ST7: variants seen among roughly 807,000 people sequenced by gnomAD.
The protein encoded by ST7 is suppression of tumorigenicity 7.
In ST7, 28 loss-of-function variants were observed where a neutral mutation model predicts 78.7. The observed-to-expected ratio is 0.36, with a 90% CI of 0.26 to 0.49. ST7 has a LOEUF of 0.49. Among genes scored for constraint, ST7 ranks in the 20% least tolerant of loss-of-function variants. The pLI is 0.99. For synonymous variants in ST7, 247 were observed against 249.6 expected (o/e 0.99, Z 0.10); for missense variants, 418 against 696.0 (o/e 0.60, Z 4.49).
chr7:117,184,006 CAAAAATGAGTCT>C (rs1809011626), intron 10 of ST7: 1 of 143,656 alleles, frequency 7.0e-6, no homozygotes, highest in Admixed American at 6.9e-5. Flanking sequence ...AAAATGAGTA[CAAAAATGAGTCT>C]GATTCCATTT....
At chr7:117,064,967 T>C (rs1798553721) in intron 1 of ST7, among the ~76,000 whole-genome samples, 1 of 152,280 alleles carries the variant, frequency 6.6e-6, no homozygotes, top group Non-Finnish European at 1.5e-5. Context: ...TCATTGTGTA[T>C]ATTGTTTTCC....
chr7:117,131,130 A>G (rs1217679344), intron 5 of ST7, among the ~76,000 whole-genome samples: 1 of 151,868 alleles, frequency 6.6e-6, no homozygotes, highest in Non-Finnish European at 1.5e-5. Context: ...GTTTCAGATA[A>G]TTCAACTGAA....
At chr7:117,071,763 G>C (rs547707885) in intron 1 of ST7, among the ~76,000 whole-genome samples, 2 of 152,316 alleles carry the variant, frequency 1.3e-5, no homozygotes, top group East Asian at 3.9e-4. Flanking sequence ...GACATAGCTT[G>C]TTCTCCAGAT....
At chr7:117,148,486 A>G (rs138726939) in intron 9 of ST7, among the ~76,000 whole-genome samples, 54 of 152,286 alleles carry the variant, frequency 3.5e-4, no homozygotes, top group African/African-American at 1.3e-3. Context: ...TGTTTATCCC[A>G]TTCGTGTTTA....
chr7:117,188,109 T>C (rs1809433592), intron 10 of ST7, among the ~76,000 whole-genome samples: 1 of 152,230 alleles, frequency 6.6e-6, no homozygotes, highest in African/African-American at 2.4e-5. Context: ...ATCAATGTCA[T>C]TGAAATTTCC....
chr7:117,040,752 G>C (rs778125260), intron 1 of ST7, among the ~76,000 whole-genome samples: 6 of 152,140 alleles, frequency 3.9e-5, no homozygotes, highest in African/African-American at 1.2e-4. Context: ...GGGAGGCCAG[G>C]TTGCTGATAT....
chr7:117,191,070 T>C (rs888852398), intron 12 of ST7, 134 bp downstream of exon 12: 2 of 692,814 alleles, frequency 2.9e-6, no homozygotes, highest in Non-Finnish European at 4.9e-6. Context: ...CCCTGTATAA[T>C]GTATGGGCAT....
intron 9 of ST7, among the ~76,000 whole-genome samples, chr7:117,165,458 C>T (rs28481622): frequency 0.13 from 19,116 of 151,920 alleles, 2,242 homozygotes; most frequent in African/African-American, 0.31. Flanking sequence ...ATAAAGGACA[C>T]GTTTAGGGAT....
At chr7:117,078,743 A>G (rs1799539544) in intron 1 of ST7, among the ~76,000 whole-genome samples, 1 of 152,198 alleles carries the variant, frequency 6.6e-6, no homozygotes, top group Non-Finnish European at 1.5e-5. Flanking sequence ...CATATGTAGG[A>G]CATTCCAGTA....
chr7:117,223,118 C>T (rs111319807), intron 15 of ST7: 6 of 646,968 alleles, frequency 9.3e-6, no homozygotes, highest in Admixed American at 7.0e-5. Context: ...CACATCCCAT[C>T]GTCTCGGCCT....
intron 10 of ST7, among the ~76,000 whole-genome samples, chr7:117,184,844 A>G (rs1809100914): frequency 6.6e-6 from 1 of 152,246 alleles, no homozygotes; most frequent in African/African-American, 2.4e-5. Flanking sequence ...TTGATATTAT[A>G]CTACAGTTAT....
chr7:117,042,610 G>T (rs1207078831), intron 1 of ST7, among the ~76,000 whole-genome samples: 1 of 152,072 alleles, frequency 6.6e-6, no homozygotes, highest in South Asian at 2.1e-4. Flanking sequence ...TTGCCAGTGA[G>T]TTCTTCAATG....
intron 15 of ST7, among the ~76,000 whole-genome samples, chr7:117,228,189 C>T (rs1420354768): frequency 6.6e-6 from 1 of 152,214 alleles, no homozygotes; most frequent in Admixed American, 6.5e-5. Context: ...TCACTTGCCT[C>T]TTTCTCAAAA....
rs1794537234 is a variant in ST7, at chr7:116,993,965, T to G, written c.151+40274T>G. Among the ~76,000 whole-genome samples, 3 of 152,376 alleles carry G rather than the reference T, an allele frequency of 2.0e-5. No individual in the cohort carries two copies. The South Asian group carries it at 6.2e-4, about 32-fold the overall frequency. On this transcript the variant is annotated intron_variant, in intron 1 of 15. Coordinates refer to ENST00000323984, the MANE Select transcript of ST7 (RefSeq NM_001369598.1). ...TGTAAAGTAGATAATGAGAGGTAGA[T>G]GCCTAATTTCTTAGTTTTCTTTTTA...
At chr7:116,997,647 G>A (rs1794728167) in intron 1 of ST7, among the ~76,000 whole-genome samples, 1 of 152,034 alleles carries the variant, frequency 6.6e-6, no homozygotes, top group Non-Finnish European at 1.5e-5. Context: ...TAGACACAGA[G>A]CACTGATTGG....
At position 117,209,935 on chromosome 7, in the gene ST7, G is replaced by A; in HGVS notation, c.1403G>A (p.Gly468Asp). Residue 468 changes from glycine (G) to aspartate (D), a missense_variant and splice_region_variant, in exon 13 of 16, where the codon GGC (glycine) becomes GAC (aspartate). By Grantham distance (94) the Gly-to-Asp change is moderately conservative. Coordinates refer to ENST00000323984, the MANE Select transcript of ST7 (RefSeq NM_001369598.1). ...ALNLLHCTWE[G>D]TFRMIPYPLE... is the part of the protein sequence containing the mutation. ...AATCTTTTGCATTGTACGTGGGAAG[G>A]CAGTAAGTAATTTTCTTTTTTTGAA... The A allele has an allele frequency of 6.2e-7, 1 of 1,600,058 alleles. No homozygotes were observed. Among genetic ancestry groups the A allele is most frequent in the Non-Finnish European group, 8.5e-7 (1 of 1,176,838 alleles).
chr7:117,124,717 A>G (rs1038061686), intron 3 of ST7, among the ~76,000 whole-genome samples: 8 of 152,080 alleles, frequency 5.3e-5, no homozygotes, highest in Admixed American at 2.6e-4. Context: ...TAACTTTGCT[A>G]TGTCTTAGTA....
chr7:117,143,284 T>C (rs1157670403), intron 9 of ST7, among the ~76,000 whole-genome samples: 3 of 152,196 alleles, frequency 2.0e-5, no homozygotes, highest in Non-Finnish European at 4.4e-5. Flanking sequence ...CCCTCACTCT[T>C]GTTTCACTCT....
chr7:117,143,916 A>G (rs1805535374), intron 9 of ST7, among the ~76,000 whole-genome samples: 1 of 152,228 alleles, frequency 6.6e-6, no homozygotes, highest in Non-Finnish European at 1.5e-5. Context: ...ATGCTAATAT[A>G]GACTAATAGT....
Sources: allele counts gnomAD v4.1 joint callset (sites outside exome capture counted in the v4.1 genomes callset), GRCh38; gene constraint gnomAD v4.1.1; transcripts MANE v1.5; gene names NCBI Gene and HGNC (gene_info 2026-07-23, HGNC 2026-07-21).